SULT1C2: variants seen among roughly 807,000 people sequenced by gnomAD.
SULT1C2 encodes sulfotransferase family 1C member 2.
Under a neutral mutation model 36.0 loss-of-function variants are expected in SULT1C2, and 27 were observed. The observed-to-expected ratio is 0.75, with a 90% CI of 0.55 to 1.03. The LOEUF is 1.03. Among genes scored for constraint, SULT1C2 ranks in the 50% least tolerant of loss-of-function variants. SULT1C2 has a pLI of 0.00. For synonymous variants in SULT1C2, 121 were observed against 116.0 expected (o/e 1.04, Z -0.27); for missense variants, 395 against 359.2 (o/e 1.10, Z -0.80).
At chr2:108,293,179 CAAAAAAAAAAA>C (rs397869118) in intron 1 of SULT1C2, among the ~76,000 whole-genome samples, 2 of 54,078 alleles carry the variant, frequency 3.7e-5, no homozygotes, top group East Asian at 5.9e-4. Flanking sequence ...GACTCTGTCT[CAAAAAAAAAAA>C]AAAAAAAAAA....
chr2:108,297,682 T>G (rs895360642), intron 3 of SULT1C2, among the ~76,000 whole-genome samples: 1 of 152,180 alleles, frequency 6.6e-6, no homozygotes, highest in East Asian at 1.9e-4. Context: ...TTCTGAATCA[T>G]TGATGAGAGA....
At position 108,292,604 on chromosome 2, in the gene SULT1C2, AACAAAAAAC is replaced by A. The variant is rs1034954398; in HGVS notation, c.-21-1038_-21-1030del. 1.2e-4 allele frequency among the ~76,000 whole-genome samples: 19 copies of A among 152,294 alleles called. No homozygotes were observed. In the South Asian group the frequency reaches 3.3e-3, roughly 27 times the overall value. On this transcript the variant is annotated intron_variant, in intron 1 of 7. Transcript: ENST00000251481. Reference sequence around the variant, plus strand: ...GGCTATTATCAAAACCAAAAAAACAAACAAAAAACACAAGAAACAACAAGTGTTGATGAC... The same window carrying A: ...GGCTATTATCAAAACCAAAAAAACAAACAAGAAACAACAAGTGTTGATGAC...
intron 1 of SULT1C2, 118 bp from the exon 2 acceptor site, chr2:108,293,526 CAAT>C: frequency 1.1e-6 from 1 of 898,560 alleles, no homozygotes; most frequent in Non-Finnish European, 1.6e-6. Context: ...GGTTGCACAA[CAAT>C]GTGAATGTAC....
Position 108,305,451 on chromosome 2 carries a change from A to G in SULT1C2, c.634A>G (p.Met212Val). The G allele has an allele frequency of 6.2e-7, 1 of 1,614,174 alleles. No homozygotes were observed. Among genetic ancestry groups the G allele is most frequent in the Non-Finnish European group, 8.5e-7 (1 of 1,180,022 alleles). Residue 212 changes from methionine to valine, a missense_variant, in exon 7 of 8, where the codon ATG becomes GTG. Coordinates refer to ENST00000251481, the MANE Select transcript of SULT1C2 (RefSeq NM_001056.4). ...KHEIRKVMQF[M>V]GKKVDETVLD... ...TGAAATTCGGAAGGTGATGCAGTTCATGGGAAAGAAGGTGGATGAAACAGT... is the reference window on the plus strand; with the variant it reads ...TGAAATTCGGAAGGTGATGCAGTTCGTGGGAAAGAAGGTGGATGAAACAGT...
chr2:108,294,395 CCT>C (rs1676671889), intron 3 of SULT1C2, 41 bp downstream of exon 3: 2 of 1,604,554 alleles, frequency 1.2e-6, no homozygotes, highest in African/African-American at 2.7e-5. Flanking sequence ...GCTTTCTTTC[CCT>C]CTCTCTTCTG....
At chr2:108,292,674 T>C (rs1426026057) in intron 1 of SULT1C2, among the ~76,000 whole-genome samples, 2 of 152,148 alleles carry the variant, frequency 1.3e-5, no homozygotes, top group Non-Finnish European at 2.9e-5. Flanking sequence ...GCACTGCTTG[T>C]AAAAATGTAA....
chr2:108,290,954 G>A (rs1211359438), intron 1 of SULT1C2, among the ~76,000 whole-genome samples: 1 of 152,186 alleles, frequency 6.6e-6, no homozygotes, highest in Non-Finnish European at 1.5e-5. Flanking sequence ...AAATTTAGCA[G>A]CTTAAGACAA....
chr2:108,292,112 T>C (rs1461033064), intron 1 of SULT1C2, among the ~76,000 whole-genome samples: 1 of 152,182 alleles, frequency 6.6e-6, no homozygotes, highest in African/African-American at 2.4e-5. Context: ...CTAGCAAGCA[T>C]GTACTGTTAC....
chr2:108,293,125 G>A (rs1416406872), intron 1 of SULT1C2, among the ~76,000 whole-genome samples: 2 of 134,130 alleles, frequency 1.5e-5, no homozygotes, highest in African/African-American at 5.8e-5. Flanking sequence ...GTTGCAGTGA[G>A]CAGAGATCAT....
intron 1 of SULT1C2, among the ~76,000 whole-genome samples, chr2:108,292,567 A>G (rs75675368): frequency 1.6e-3 from 239 of 152,292 alleles, no homozygotes; most frequent in African/African-American, 5.7e-3. Flanking sequence ...ATCACCGCAC[A>G]ACCATTAGGA....
In SULT1C2 at chr2:108,308,612, C is replaced by T; in HGVS notation, c.*148C>T. On this transcript the variant is annotated 3_prime_UTR_variant, in exon 8 of 8. Coordinates refer to ENST00000251481, the MANE Select transcript of SULT1C2 (RefSeq NM_001056.4). ...ATCTCTGTGATGATTAACAGTATGT[C>T]ACCACTTCATTTTTTAAAAAGGATC... The T allele has an allele frequency of 3.3e-6, 2 of 604,342 alleles. No individual in the cohort carries two copies. The highest frequency in any genetic ancestry group is 5.4e-6 in the Non-Finnish European group (2 of 368,596). 37.4% of individuals were successfully genotyped at this position (604,342 alleles called of 1,614,324 possible).
chr2:108,304,803 G>T, intron 5 of SULT1C2, 103 bp downstream of exon 5: 4 of 1,472,064 alleles, frequency 2.7e-6, no homozygotes, highest in Non-Finnish European at 3.6e-6. Context: ...TACTTCATCA[G>T]GTGTGTCCTA....
intron 3 of SULT1C2, chr2:108,300,514 G>C (rs952622145): frequency 2.6e-6 from 1 of 389,370 alleles, no homozygotes; most frequent in African/African-American, 2.1e-5. Context: ...ATCTCTGGCT[G>C]GCAGGAAGGT....
At chr2:108,305,807 C>T in intron 7 of SULT1C2, 1 of 608,174 alleles carries the variant, frequency 1.6e-6, no homozygotes, top group Non-Finnish European at 2.8e-6. Context: ...CAGAGAGTCC[C>T]TCAAGCTAGC....
chr2:108,292,135 G>A (rs563969721), intron 1 of SULT1C2, among the ~76,000 whole-genome samples: 2 of 152,112 alleles, frequency 1.3e-5, no homozygotes, highest in South Asian at 2.1e-4. Flanking sequence ...TTTCTGTAAG[G>A]ACCCTTTCAG....
chr2:108,290,723 C>A (rs548057372), intron 1 of SULT1C2, among the ~76,000 whole-genome samples: 1 of 152,318 alleles, frequency 6.6e-6, no homozygotes, highest in African/African-American at 2.4e-5. Flanking sequence ...GTGGAATCCA[C>A]CCTTATGGCC....
chr2:108,305,328 A>G, intron 6 of SULT1C2, 62 bp downstream of exon 6: 1 of 1,610,558 alleles, frequency 6.2e-7, no homozygotes. Flanking sequence ...GAGAAATTCA[A>G]AGTTGTTTCA....
At chr2:108,293,932 G>A in intron 2 of SULT1C2, 114 bp downstream of exon 2, 1 of 1,457,962 alleles carries the variant, frequency 6.9e-7, no homozygotes, top group Non-Finnish European at 9.1e-7. Flanking sequence ...TCCACAATGG[G>A]TTTTGGAGCT....
At chr2:108,306,217 A>G (rs1041215152) in intron 7 of SULT1C2, among the ~76,000 whole-genome samples, 3 of 152,206 alleles carry the variant, frequency 2.0e-5, no homozygotes, top group African/African-American at 4.8e-5. Context: ...CTTAGTTCCA[A>G]TTCCCAAAGG....
Sources: gnomAD v4.1 joint callset for allele counts (sites outside exome capture counted in the v4.1 genomes callset) on GRCh38, gnomAD v4.1.1 for gene constraint, MANE v1.5 for transcripts, NCBI Gene and HGNC (gene_info 2026-07-23, HGNC 2026-07-21) for gene names.